GRIA3: variants seen among roughly 807,000 people sequenced by gnomAD.
GRIA3 encodes glutamate receptor 3.
GRIA3 carries 3 observed loss-of-function variants against 63.0 expected under a neutral mutation model. The observed-to-expected ratio is 0.05, with a 90% CI of 0.02 to 0.12. GRIA3 has a LOEUF of 0.12. GRIA3 is among the 10% of genes least tolerant of loss of function. The pLI, the probability that GRIA3 is intolerant of heterozygous loss-of-function variation, is 1.00. For synonymous variants in GRIA3, 274 were observed against 257.9 expected, an observed-to-expected ratio of 1.06 and a Z score of -0.60; for missense variants, 347 against 700.9, an observed-to-expected ratio of 0.50 and a Z score of 5.70.
chrX:123,364,036 A>G (rs902203148), intron 5 of GRIA3, among the ~76,000 whole-genome samples: 5 of 112,204 alleles, frequency 4.5e-5, no homozygotes, highest in Non-Finnish European at 7.5e-5. Flanking sequence ...AAGGATACTA[A>G]CATGGCTAGC....
chrX:123,483,991 A>G (rs2147448153), intron 15 of GRIA3, among the ~76,000 whole-genome samples: 1 of 111,273 alleles, frequency 9.0e-6, no homozygotes, highest in African/African-American at 3.3e-5. Context: ...CAGCACTTCC[A>G]TAGGGAGAGG....
intron 2 of GRIA3, among the ~76,000 whole-genome samples, chrX:123,213,225 G>A (rs1157819729): frequency 8.9e-6 from 1 of 112,247 alleles, no homozygotes; most frequent in East Asian, 2.8e-4. Flanking sequence ...CAAAAAGGTT[G>A]AGAACTGCTG....
chrX:123,184,894 G>A lies in GRIA3; in HGVS notation c.109+250G>A, dbSNP rs1281152770. On this transcript the variant is annotated intron_variant, in intron 1 of 15. Coordinates refer to ENST00000620443, the MANE Select transcript of GRIA3 (RefSeq NM_007325.5). ...TGGGGCTAGTGGGGGTGAACTGCTA[G>A]GTTTTCCGAGCCGAGAGGAGCACCG... 1.3e-5 allele frequency: 6 copies of A among 477,973 alleles called. No individual in the cohort carries two copies. In the East Asian group the frequency reaches 2.5e-4, roughly 20 times the overall value. 39.4% of individuals were successfully genotyped at this position (477,973 alleles called of 1,213,427 possible).
At chrX:123,252,225 A>T (rs900003937) in intron 2 of GRIA3, among the ~76,000 whole-genome samples, 20 of 112,023 alleles carry the variant, frequency 1.8e-4, no homozygotes, top group African/African-American at 6.5e-4. Flanking sequence ...ATAAGATTCT[A>T]TTTAATCACT....
intron 5 of GRIA3, among the ~76,000 whole-genome samples, chrX:123,389,608 C>T (rs1335803361): frequency 9.0e-6 from 1 of 111,305 alleles, no homozygotes; most frequent in Non-Finnish European, 1.9e-5. Flanking sequence ...ACATTTACAT[C>T]TGAGGTGAGT....
At chrX:123,219,786 T>C (rs1215491594) in intron 2 of GRIA3, among the ~76,000 whole-genome samples, 1 of 112,182 alleles carries the variant, frequency 8.9e-6, no homozygotes, top group Non-Finnish European at 1.9e-5. Flanking sequence ...TTCCTGTGCT[T>C]TCCTATGTGA....
intron 1 of GRIA3, 58 bp downstream of exon 1, chrX:123,184,702 C>T (rs1603011177): frequency 1.2e-6 from 1 of 847,862 alleles, no homozygotes; most frequent in Non-Finnish European, 1.8e-6. Context: ...GACCACTGCC[C>T]CGGCAAGGCT....
intron 5 of GRIA3, among the ~76,000 whole-genome samples, chrX:123,361,995 T>C (rs925699563): frequency 8.9e-6 from 1 of 112,197 alleles, no homozygotes; most frequent in Non-Finnish European, 1.9e-5. Flanking sequence ...TATTACCCTG[T>C]CAAGTTCCTA....
intron 4 of GRIA3, among the ~76,000 whole-genome samples, chrX:123,333,481 T>C (rs187410527): frequency 6.3e-5 from 7 of 111,620 alleles, no homozygotes; most frequent in Non-Finnish European, 1.1e-4. Flanking sequence ...AAACAAAAGT[T>C]CTTTCTTTCT....
chrX:123,353,307 G>A (rs747889320), intron 4 of GRIA3, among the ~76,000 whole-genome samples: 13 of 112,013 alleles, frequency 1.2e-4, no homozygotes, highest in African/African-American at 4.2e-4. Flanking sequence ...CCAAGAGTAT[G>A]GGTTCTAGAG....
chrX:123,383,608 AT>A (rs2045337199), intron 5 of GRIA3, among the ~76,000 whole-genome samples: 1 of 112,042 alleles, frequency 8.9e-6, no homozygotes, highest in Non-Finnish European at 1.9e-5. Context: ...TGCAAATGAC[AT>A]GATTTCATTC....
At chrX:123,277,364 C>G (rs755440498) in intron 3 of GRIA3, among the ~76,000 whole-genome samples, 3 of 111,305 alleles carry the variant, frequency 2.7e-5, no homozygotes, top group Non-Finnish European at 1.9e-5. Context: ...TTCAAGTGCC[C>G]TGCAGTCTGG....
intron 3 of GRIA3, among the ~76,000 whole-genome samples, chrX:123,267,385 T>A (rs1360958152): frequency 8.9e-6 from 1 of 111,888 alleles, no homozygotes; most frequent in Non-Finnish European, 1.9e-5. Flanking sequence ...GGAACCTTAG[T>A]CATGGGTTTC....
intron 2 of GRIA3, among the ~76,000 whole-genome samples, chrX:123,202,452 A>G (rs1276362673): frequency 8.9e-6 from 1 of 112,411 alleles, no homozygotes; most frequent in African/African-American, 3.2e-5. Context: ...ATAAACTCAA[A>G]TGTGGTCTCA....
chrX:123,358,504 G>T (rs2045147908), intron 5 of GRIA3: 1 of 112,016 alleles, frequency 8.9e-6, no homozygotes. Context: ...AGTGGACAAT[G>T]AGCTGCAGAA....
intron 3 of GRIA3, among the ~76,000 whole-genome samples, chrX:123,287,607 C>T (rs1372749742): frequency 2.7e-5 from 3 of 111,584 alleles, no homozygotes; most frequent in Non-Finnish European, 5.6e-5. Context: ...TACAAGCATT[C>T]CTATACACCA....
intron 3 of GRIA3, among the ~76,000 whole-genome samples, chrX:123,264,348 T>C (rs771175189): frequency 1.8e-5 from 2 of 111,777 alleles, no homozygotes; most frequent in East Asian, 5.6e-4. Flanking sequence ...TAATATACTA[T>C]TGCAGTAGGG....
At chrX:123,273,220 C>A (rs1467686281) in intron 3 of GRIA3, among the ~76,000 whole-genome samples, 2 of 111,681 alleles carry the variant, frequency 1.8e-5, no homozygotes, top group East Asian at 5.6e-4. Flanking sequence ...GACCATCTTC[C>A]CCTCTCAAGG....
In GRIA3 at chrX:123,253,328, G is replaced by A; in HGVS notation, c.294G>A (p.Val98=). Residue 98 remains valine, a synonymous_variant, in exon 3 of 16, where the codon GTG becomes GTA. Transcript: ENST00000620443. The part of the protein sequence containing the change: ...NAFCSQFSRG[V]YAIFGFYDQM... ...TCTGCTCCCAGTTCTCGAGAGGGGTGTATGCCATCTTTGGATTCTATGACC... is the reference window on the plus strand; with the variant it reads ...TCTGCTCCCAGTTCTCGAGAGGGGTATATGCCATCTTTGGATTCTATGACC... The A allele has an allele frequency of 3.3e-6, 4 of 1,208,231 alleles. No homozygotes were observed. The highest frequency in any genetic ancestry group is 4.5e-6 in the Non-Finnish European group (4 of 892,227).
Sources: gnomAD v4.1 joint callset for allele counts (sites outside exome capture counted in the v4.1 genomes callset) on GRCh38, gnomAD v4.1.1 for gene constraint, MANE v1.5 for transcripts, NCBI Gene and HGNC (gene_info 2026-07-23, HGNC 2026-07-21) for gene names.